The following MYO18A variants were observed in gnomAD, a reference collection of about 807,000 sequenced individuals.
MYO18A encodes the protein myosin XVIIIA.
MYO18A carries 78 observed loss-of-function variants against 235.8 expected under a neutral mutation model. The observed-to-expected ratio is 0.33, with a 90% confidence interval of 0.28 to 0.40. The LOEUF is 0.40. MYO18A is among the 10% of genes least tolerant of loss of function. The pLI is 1.00. For missense variants in MYO18A, 2,215 were observed against 2,699.3 expected (o/e 0.82, Z 3.98); for synonymous variants, 977 against 1,077.8 (o/e 0.91, Z 1.83).
Position 29,092,885 on chromosome 17 carries a change from G to C in MYO18A, c.5043C>G (p.Ser1681Arg), listed in dbSNP as rs1466991773. 1.2e-6 allele frequency: 2 copies of C among 1,613,928 alleles called. No homozygotes were observed. Among genetic ancestry groups the C allele is most frequent in the Middle Eastern group, 1.7e-4 (1 of 6,044 alleles). ...MLDHLKNSAP[S>R]KREIAQLKNQ... ...TCTTGAGCTGGGCAATCTCTCGCTT[G>C]CTGGGAGCACTGTTCTTCAGGTGGT... is the stretch of plus-strand genomic sequence containing the variant. Residue 1681 changes from serine (S) to arginine (R), a missense_variant, in exon 33 of 42, where the codon AGC (serine) becomes AGG (arginine). Transcript: ENST00000527372.
chr17:29,096,385 C>T (rs146114844), intron 28 of MYO18A, among the ~76,000 whole-genome samples: 354 of 152,326 alleles, frequency 2.3e-3, no homozygotes, highest in African/African-American at 8.0e-3. Flanking sequence ...CGACATTAGT[C>T]AGGAGAGTGT....
intron 2 of MYO18A, 89 bp from the exon 3 acceptor site, chr17:29,122,342 C>T (rs1451358683): frequency 1.6e-6 from 2 of 1,215,666 alleles, no homozygotes; most frequent in African/African-American, 3.0e-5. Flanking sequence ...AGGGCATGGG[C>T]TTTGAGACAA....
At position 29,118,433 on chromosome 17, in the gene MYO18A, G is replaced by C. The variant is rs778431020; in HGVS notation, c.1837C>G (p.Leu613Val). The C allele has an allele frequency of 6.2e-7, 1 of 1,605,808 alleles. No homozygotes were observed. The highest frequency in any genetic ancestry group is 8.5e-7 in the Non-Finnish European group (1 of 1,173,978). ...TTCTCTGCCAAGTGGTTGAGGTGGA[G>C]CTCTGTCCTAGGGGTACAAATAAGG... ...ACGDGTLRTE[L>V]HLNHLAENNV... Residue 613 changes from leucine to valine, a missense_variant, in exon 9 of 42, where the codon CTC becomes GTC. By Grantham distance (32) the Leu-to-Val change is conservative (BLOSUM62 1). Coordinates refer to ENST00000527372, the MANE Select transcript of MYO18A (RefSeq NM_078471.4). The surrounding 1 kb of genome is among the most constrained non-coding windows in gnomAD (Gnocchi z 4.2).
At chr17:29,122,979 G>A (rs1262059641) in intron 2 of MYO18A, among the ~76,000 whole-genome samples, 3 of 152,212 alleles carry the variant, frequency 2.0e-5, no homozygotes, top group East Asian at 1.9e-4. Context: ...GAGGCAGTGC[G>A]GCCAGAGATA....
intron 36 of MYO18A, 28 bp from the exon 37 acceptor site, chr17:29,090,126 AAGAACTGAGCCC>A (rs2066361519): frequency 1.9e-6 from 3 of 1,603,256 alleles, no homozygotes; most frequent in Non-Finnish European, 2.6e-6. Context: ...GAAGAGAAGA[AAGAACTGAGCCC>A]AGAAAGGGAG....
At chr17:29,089,079 A>C (rs2066329649) in intron 37 of MYO18A, among the ~76,000 whole-genome samples, 1 of 151,296 alleles carries the variant, frequency 6.6e-6, no homozygotes, top group South Asian at 2.1e-4. Context: ...AGAGAGAATG[A>C]ACCTTATAAT....
In MYO18A at chr17:29,099,652, C is replaced by A; in HGVS notation, c.3618G>T (p.Gln1206His). ...GCAGCACCTTTCTCTTCTTGAAGTG[C>A]TGGCGGGCCAGGTAGCCCCTGCAGG... ...QAACRGYLAR[Q>H]HFKKRKIQDL... is the part of the protein sequence containing the mutation. The change falls in exon 22 of 42, where the codon CAG (glutamine) becomes CAT (histidine). Residue 1206 changes from glutamine (Q) to histidine (H), a missense_variant. Coordinates refer to ENST00000527372, the MANE Select transcript of MYO18A (RefSeq NM_078471.4). The A allele has an allele frequency of 6.2e-7, 1 of 1,613,650 alleles. No individual in the cohort carries two copies. Among genetic ancestry groups the A allele is most frequent in the African/African-American group, 1.3e-5 (1 of 75,040 alleles).
At chr17:29,149,521 C>A (rs2067924863) in intron 2 of MYO18A, among the ~76,000 whole-genome samples, 1 of 152,222 alleles carries the variant, frequency 6.6e-6, no homozygotes, top group Non-Finnish European at 1.5e-5. Flanking sequence ...TTGGCACACC[C>A]ATCAGTTTGC....
At chr17:29,139,498 G>C (rs1400726885) in intron 2 of MYO18A, among the ~76,000 whole-genome samples, 1 of 152,090 alleles carries the variant, frequency 6.6e-6, no homozygotes, top group Non-Finnish European at 1.5e-5. Context: ...GGGCAGTCCT[G>C]AGCACAGAGA....
intron 12 of MYO18A, 89 bp from the exon 13 acceptor site, chr17:29,115,530 C>A: frequency 6.6e-7 from 1 of 1,506,474 alleles, no homozygotes; most frequent in East Asian, 2.4e-5. Context: ...CCAGTCAGCA[C>A]GGGGCCTGGG....
At position 29,125,414 on chromosome 17, in the gene MYO18A, T is replaced by A. The variant is rs2152874056; in HGVS notation, c.1000-3161A>T. Among the ~76,000 whole-genome samples the A allele has an allele frequency of 6.6e-6, 1 of 152,352 alleles. No homozygotes were observed. Among genetic ancestry groups the A allele is most frequent in the East Asian group, 1.9e-4 (1 of 5,188 alleles). ...GAGCAAAGGCACTGTGGGCAAACCC[T>A]GTGGCCAGCCGTGACCTCTCTGGTT... On this transcript the variant is annotated intron_variant, in intron 2 of 41. Transcript: ENST00000527372. The surrounding 1 kb of genome is among the most constrained non-coding windows in gnomAD (Gnocchi z 5.1).
chr17:29,148,893 C>T (rs1220286105), intron 2 of MYO18A, among the ~76,000 whole-genome samples: 1 of 152,210 alleles, frequency 6.6e-6, no homozygotes, highest in African/African-American at 2.4e-5. Flanking sequence ...CCGAGTCAGC[C>T]CCAGGCCCGG....
chr17:29,109,167 C>A lies in MYO18A; in HGVS notation c.3331+691G>T, dbSNP rs1245404358. Among the ~76,000 whole-genome samples the A allele has an allele frequency of 2.0e-5, 3 of 149,550 alleles. No individual in the cohort carries two copies. The highest frequency in any genetic ancestry group is 7.5e-5 in the African/African-American group (3 of 40,246). The stretch of plus-strand genomic sequence containing the variant: ...TCTCAGGCAAAAAACAAAAAAAAAA[C>A]AAAAAAAACCCACCCTACTTGAGAG... On this transcript the variant is annotated intron_variant, in intron 19 of 41. Coordinates refer to ENST00000527372, the MANE Select transcript of MYO18A (RefSeq NM_078471.4). The surrounding 1 kb of genome is among the most constrained non-coding windows in gnomAD (Gnocchi z 4.1).
chr17:29,164,801 C>T (rs955819802), intron 2 of MYO18A, among the ~76,000 whole-genome samples: 6 of 152,234 alleles, frequency 3.9e-5, no homozygotes, highest in Admixed American at 2.6e-4. Flanking sequence ...CATGGAGATC[C>T]GCTCCTCCAT....
chr17:29,159,249 C>T (rs139883121), intron 2 of MYO18A, among the ~76,000 whole-genome samples: 17 of 152,188 alleles, frequency 1.1e-4, no homozygotes, highest in Middle Eastern at 3.4e-3. Context: ...CCCTGCATCC[C>T]ACTACTCCAC....
intron 21 of MYO18A, among the ~76,000 whole-genome samples, chr17:29,100,001 CT>C (rs1435228796): frequency 6.6e-6 from 1 of 151,998 alleles, no homozygotes; most frequent in Non-Finnish European, 1.5e-5. Context: ...TGAAATTTAA[CT>C]TCAAAGAGAG....
In MYO18A at chr17:29,122,219, G is replaced by T. The variant is rs761068838; in HGVS notation, c.1034C>A (p.Ala345Asp). The change falls in exon 3 of 42, where the codon GCC (alanine) becomes GAC (aspartate). Residue 345 changes from alanine (A) to aspartate (D), a missense_variant. By Grantham distance (126) the Ala-to-Asp change is moderately radical. Transcript: ENST00000527372. ...KTEEQIAAEE[A>D]WNETEKVWLV... The stretch of plus-strand genomic sequence containing the variant: ...CCACACCTTCTCCGTCTCATTCCAG[G>T]CCTCTTCTGCTGCAATCTGTTCTTC... 10 of 1,613,562 alleles carry T rather than the reference G, an allele frequency of 6.2e-6. No individual in the cohort carries two copies. The highest frequency in any genetic ancestry group is 8.5e-6 in the Non-Finnish European group (10 of 1,179,716).
rs916312030 is a variant in MYO18A at position 29,111,168 on chromosome 17, C to T, written c.2900+256G>A. 3.3e-5 allele frequency among the ~76,000 whole-genome samples: 5 copies of T among 152,104 alleles called. No individual in the cohort carries two copies. Among genetic ancestry groups the T allele is most frequent in the South Asian group, 2.1e-4 (1 of 4,822 alleles). On this transcript the variant is annotated intron_variant, in intron 17 of 41. Transcript: ENST00000527372. The surrounding 1 kb of genome is among the most constrained non-coding windows in gnomAD (Gnocchi z 5.1). ...CCCGTGGGGCTGGGGGTTCTAAGGC[C>T]GCTCCTGCCTTCTTTGACTTGAGGG...
Position 29,116,721 on chromosome 17 carries a change from A to AC in MYO18A, c.2039-267dup, listed in dbSNP as rs1292995037. On this transcript the variant is annotated intron_variant, in intron 10 of 41. Transcript: ENST00000527372. ...TGCACATGTGTGTGTGCGCAAACAC[A>AC]CCCTCCCCCCCCCCCCCCCCCCCCG... is the stretch of plus-strand genomic sequence containing the variant. Among the ~76,000 whole-genome samples, 16 of 3,468 alleles carry AC rather than the reference A, an allele frequency of 4.6e-3. 3 individuals are homozygous for AC. Among genetic ancestry groups the AC allele is most frequent in the Admixed American group, 7.0e-3 (1 of 142 alleles). 2.3% of individuals were successfully genotyped at this position (3,468 alleles called of 152,430 possible). A position where few individuals can be genotyped will look rare whatever the true frequency, so the allele number is the denominator to read the frequency against.
Sources: allele counts gnomAD v4.1 joint callset (sites outside exome capture counted in the v4.1 genomes callset), GRCh38; gene constraint gnomAD v4.1.1; non-coding constraint Gnocchi (gnomAD v3.1); transcripts MANE v1.5; gene names NCBI Gene and HGNC (gene_info 2026-07-23, HGNC 2026-07-21).